Variants in EVI5 observed in about 807,000 individuals in gnomAD.
EVI5 encodes ecotropic viral integration site 5.
EVI5 carries 73 observed loss-of-function variants against 112.0 expected under a neutral mutation model. That is an observed-to-expected ratio of 0.65 (90% CI 0.54 to 0.79). The LOEUF (loss-of-function observed/expected upper bound fraction) is 0.79. Among genes scored for constraint, EVI5 ranks in the 30% least tolerant of loss-of-function variants. EVI5 has a pLI of 0.00. For missense variants in EVI5, 900 were observed against 968.8 expected (o/e 0.93, Z 0.94); for synonymous variants, 305 against 319.9 (o/e 0.95, Z 0.50).
chr1:92,560,567 T>G (rs951809283), intron 19 of EVI5, among the ~76,000 whole-genome samples: 2 of 152,136 alleles, frequency 1.3e-5, no homozygotes, highest in African/African-American at 4.8e-5. Context: ...CTTTTTTTTT[T>G]GAGACAGGGT....
chr1:92,664,576 G>A, intron 11 of EVI5, among the ~76,000 whole-genome samples: 1 of 149,980 alleles, frequency 6.7e-6, no homozygotes, highest in East Asian at 1.9e-4. Flanking sequence ...CAACTTAAAA[G>A]CAAGCTCAAT....
At chr1:92,736,051 G>T (rs1363433775) in intron 2 of EVI5, among the ~76,000 whole-genome samples, 2 of 151,486 alleles carry the variant, frequency 1.3e-5, no homozygotes, top group African/African-American at 4.8e-5. Context: ...CCACAAATCA[G>T]ATATCTATAC....
At chr1:92,756,455 C>G (rs1315921363) in intron 1 of EVI5, 1 of 539,636 alleles carries the variant, frequency 1.9e-6, no homozygotes, top group African/African-American at 1.9e-5. Flanking sequence ...GATTATACTT[C>G]GTCTTTCTCC....
At chr1:92,566,608 A>C (rs146779016) in intron 18 of EVI5, among the ~76,000 whole-genome samples, 1 of 152,222 alleles carries the variant, frequency 6.6e-6, no homozygotes, top group East Asian at 1.9e-4. Context: ...TTTATACAAG[A>C]AAAATTAACT....
At chr1:92,579,418 T>A (rs963365629) in intron 18 of EVI5, among the ~76,000 whole-genome samples, 2 of 152,170 alleles carry the variant, frequency 1.3e-5, no homozygotes, top group Non-Finnish European at 2.9e-5. Flanking sequence ...TCATATGAAG[T>A]CAAGGGAGAC....
intron 2 of EVI5, among the ~76,000 whole-genome samples, chr1:92,726,983 C>A (rs1236522707): frequency 1.3e-5 from 2 of 151,888 alleles, no homozygotes; most frequent in Non-Finnish European, 2.9e-5. Flanking sequence ...TCAAAGATGG[C>A]AGAATTAAAG....
At chr1:92,583,543 T>C (rs915400287) in intron 18 of EVI5, among the ~76,000 whole-genome samples, 1 of 150,156 alleles carries the variant, frequency 6.7e-6, no homozygotes, top group Non-Finnish European at 1.5e-5. Flanking sequence ...AAAAATTAGA[T>C]TTTTCATCCA....
Position 92,525,267 on chromosome 1 carries a change from C to CTTTTTTTT in EVI5, c.2167-11305_2167-11298dup, listed in dbSNP as rs745392747. Among the ~76,000 whole-genome samples, 36 of 104,378 alleles carry CTTTTTTTT rather than the reference C, an allele frequency of 3.4e-4. 2 individuals are homozygous for CTTTTTTTT. The highest frequency in any genetic ancestry group is 1.2e-3 in the African/African-American group (31 of 26,026). 68.5% of individuals were successfully genotyped at this position (104,378 alleles called of 152,430 possible). A position where few individuals can be genotyped will look rare whatever the true frequency, so the allele number is the denominator to read the frequency against. On this transcript the variant is annotated intron_variant, in intron 19 of 19. Coordinates refer to ENST00000684568, the MANE Select transcript of EVI5 (RefSeq NM_001350197.2). The stretch of plus-strand genomic sequence containing the variant: ...TCAGAATCAGTGCCAATGACAATGC[C>CTTTTTTTT]TTTTTTTTTTTTTTTTTTTTGAGAC...
intron 1 of EVI5, among the ~76,000 whole-genome samples, chr1:92,768,917 C>A (rs1683018734): frequency 2.0e-5 from 3 of 152,084 alleles, no homozygotes. Flanking sequence ...ATCTTACATC[C>A]CCCTAAGTAC....
chr1:92,722,297 A>G (rs115990723), intron 2 of EVI5, among the ~76,000 whole-genome samples: 121 of 152,100 alleles, frequency 8.0e-4, no homozygotes, highest in African/African-American at 2.7e-3. Context: ...ATATCCTTTG[A>G]TCAATATCTT....
intron 19 of EVI5, among the ~76,000 whole-genome samples, chr1:92,527,556 C>A (rs1662139748): frequency 6.6e-6 from 1 of 151,824 alleles, no homozygotes. Flanking sequence ...TACTTACATA[C>A]ATAGTCATGA....
At chr1:92,703,658 G>A in intron 3 of EVI5, 39 bp from the exon 4 acceptor site, 1 of 1,283,792 alleles carries the variant, frequency 7.8e-7, no homozygotes, top group Admixed American at 2.2e-5. Flanking sequence ...AATTATTTAA[G>A]TGTCCTATCT....
chr1:92,719,594 T>C (rs1478538500), intron 2 of EVI5, among the ~76,000 whole-genome samples: 1 of 152,028 alleles, frequency 6.6e-6, no homozygotes, highest in Admixed American at 6.5e-5. Context: ...AATATCATAC[T>C]GAATGGGCAA....
At position 92,512,788 on chromosome 1, in the gene EVI5, T is replaced by C. The variant is rs1365068297; in HGVS notation, c.*868A>G. 6.6e-6 allele frequency: 1 copy of C among 151,890 alleles called. No homozygotes were observed. Among genetic ancestry groups the C allele is most frequent in the African/African-American group, 2.4e-5 (1 of 41,396 alleles). The allele number at this position is 151,890 out of a possible 1,614,324, so 9.4% of individuals were successfully genotyped here. On this transcript the variant is annotated 3_prime_UTR_variant, in exon 20 of 20. Coordinates refer to ENST00000684568, the MANE Select transcript of EVI5 (RefSeq NM_001350197.2). ...ATAAAGGCTTTGTGTGTGGGGACTT[T>C]CAGTGGCCCACCAATAATTTTCATG...
intron 16 of EVI5, among the ~76,000 whole-genome samples, chr1:92,610,593 C>T (rs1310778547): frequency 6.6e-6 from 1 of 151,748 alleles, no homozygotes. Context: ...AAGAACAAGT[C>T]ACTATCAAAA....
intron 16 of EVI5, among the ~76,000 whole-genome samples, chr1:92,609,031 T>C (rs146534018): frequency 1.3e-5 from 2 of 152,322 alleles, no homozygotes; most frequent in African/African-American, 2.4e-5. Flanking sequence ...GTTTATTGTA[T>C]TATAATTACA....
chr1:92,637,228 A>G (rs937590720), intron 13 of EVI5, among the ~76,000 whole-genome samples: 4 of 152,152 alleles, frequency 2.6e-5, no homozygotes, highest in African/African-American at 7.2e-5. Context: ...AAATACAAAA[A>G]TTAGCTGGGC....
intron 16 of EVI5, among the ~76,000 whole-genome samples, chr1:92,609,494 A>G (rs1265970974): frequency 6.6e-6 from 1 of 152,038 alleles, no homozygotes; most frequent in Non-Finnish European, 1.5e-5. Flanking sequence ...AGTAGCTGGG[A>G]TTACAGGCAC....
At chr1:92,632,156 T>C (rs1262631045) in intron 14 of EVI5, among the ~76,000 whole-genome samples, 3 of 152,182 alleles carry the variant, frequency 2.0e-5, no homozygotes, top group African/African-American at 7.2e-5. Context: ...TTTCATTGTG[T>C]CTCTGCCAAC....
Sources: gnomAD v4.1 joint callset for allele counts (sites outside exome capture counted in the v4.1 genomes callset) on GRCh38, gnomAD v4.1.1 for gene constraint, MANE v1.5 for transcripts, NCBI Gene and HGNC (gene_info 2026-07-23, HGNC 2026-07-21) for gene names.